KIAA0825: variants seen among roughly 807,000 people sequenced by gnomAD.
The protein encoded by KIAA0825 is uncharacterized protein KIAA0825.
Under a neutral mutation model 147.6 loss-of-function variants are expected in KIAA0825, and 119 were observed. That is an observed-to-expected ratio of 0.81 (90% CI 0.69 to 0.94). The LOEUF (loss-of-function observed/expected upper bound fraction) is 0.94. Ranked by LOEUF, KIAA0825 falls within the 40% of genes least tolerant of loss-of-function variation. The pLI is 0.00. For missense variants in KIAA0825, 1,381 were observed against 1,472.7 expected, an observed-to-expected ratio of 0.94 and a Z score of 1.02; for synonymous variants, 470 against 518.1, an observed-to-expected ratio of 0.91 and a Z score of 1.26.
chr5:94,278,113 G>A (rs1176882734), intron 20 of KIAA0825, among the ~76,000 whole-genome samples: 1 of 152,042 alleles, frequency 6.6e-6, no homozygotes, highest in Admixed American at 6.6e-5. Flanking sequence ...GACCTGTCAG[G>A]GGGTTGGGGG....
At chr5:94,216,214 G>GGT (rs1200157535) in intron 20 of KIAA0825, among the ~76,000 whole-genome samples, 1 of 152,088 alleles carries the variant, frequency 6.6e-6, no homozygotes, top group Non-Finnish European at 1.5e-5. Context: ...AGTAAGTATT[G>GGT]GTTCTCTCCA....
chr5:94,331,158 G>A (rs1781231599), intron 20 of KIAA0825, among the ~76,000 whole-genome samples: 1 of 149,850 alleles, frequency 6.7e-6, no homozygotes, highest in Non-Finnish European at 1.5e-5. Flanking sequence ...AAGAAAGAGA[G>A]AGAGAGAGAA....
chr5:94,345,702 T>A (rs1782902357), intron 20 of KIAA0825, among the ~76,000 whole-genome samples: 1 of 152,156 alleles, frequency 6.6e-6, no homozygotes, highest in Non-Finnish European at 1.5e-5. Context: ...TTTCTTCAGA[T>A]TTTTTTAATC....
At chr5:94,474,606 T>C (rs1761631895) in intron 7 of KIAA0825, among the ~76,000 whole-genome samples, 1 of 152,200 alleles carries the variant, frequency 6.6e-6, no homozygotes, top group Non-Finnish European at 1.5e-5. Flanking sequence ...ATAATTTATT[T>C]TTTCACATAT....
chr5:94,551,835 C>T (rs1201965652), intron 2 of KIAA0825, among the ~76,000 whole-genome samples: 2 of 151,486 alleles, frequency 1.3e-5, no homozygotes, highest in African/African-American at 4.9e-5. Flanking sequence ...GAAAAACCAT[C>T]AAACTGCAAA....
At chr5:94,219,412 C>G (rs1773492503) in intron 20 of KIAA0825, among the ~76,000 whole-genome samples, 1 of 152,148 alleles carries the variant, frequency 6.6e-6, no homozygotes, top group African/African-American at 2.4e-5. Context: ...AGCCCATGGA[C>G]CAGTACCATC....
intron 1 of KIAA0825, chr5:94,594,660 T>C (rs1194839120): frequency 1.6e-6 from 1 of 626,252 alleles, no homozygotes; most frequent in Non-Finnish European, 3.0e-6. Flanking sequence ...TATGAAAAAA[T>C]GACATTTGGA....
At chr5:94,243,968 T>C (rs1775480956) in intron 20 of KIAA0825, among the ~76,000 whole-genome samples, 1 of 152,164 alleles carries the variant, frequency 6.6e-6, no homozygotes, top group Non-Finnish European at 1.5e-5. Context: ...TCTTTCTGCT[T>C]CCTACCTCTC....
At chr5:94,597,468 A>G (rs1003755783) in intron 1 of KIAA0825, among the ~76,000 whole-genome samples, 2 of 152,196 alleles carry the variant, frequency 1.3e-5, no homozygotes, top group Non-Finnish European at 2.9e-5. Context: ...ATTTTACTGA[A>G]TTAAAGAAAA....
At chr5:94,224,228 C>A (rs997363422) in intron 20 of KIAA0825, among the ~76,000 whole-genome samples, 1 of 150,962 alleles carries the variant, frequency 6.6e-6, no homozygotes, top group African/African-American at 2.4e-5. Flanking sequence ...TCCTGAGTAG[C>A]TGGGATTACA....
At chr5:94,173,081 A>T (rs925808785) in intron 20 of KIAA0825, among the ~76,000 whole-genome samples, 1 of 152,162 alleles carries the variant, frequency 6.6e-6, no homozygotes, top group Non-Finnish European at 1.5e-5. Context: ...AACTATTTTA[A>T]TTTATAAAAA....
intron 20 of KIAA0825, among the ~76,000 whole-genome samples, chr5:94,196,504 A>G (rs1431933552): frequency 6.6e-6 from 1 of 150,546 alleles, no homozygotes; most frequent in Non-Finnish European, 1.5e-5. Flanking sequence ...GTACATGTGC[A>G]GGTTTGTTAA....
At chr5:94,496,377 C>T (rs935236132) in intron 5 of KIAA0825, among the ~76,000 whole-genome samples, 5 of 152,190 alleles carry the variant, frequency 3.3e-5, no homozygotes, top group Admixed American at 3.3e-4. Context: ...ACCTTATGGG[C>T]TGCAAAGCCT....
rs1250895064 is a variant in KIAA0825, at chr5:94,308,537, C to T, written c.3710+75831G>A. The stretch of plus-strand genomic sequence containing the variant: ...ATGTATTTATACAGAGAAATGTATA[C>T]ATAAATTCAAGGGACTCTATAAGAT... On this transcript the variant is annotated intron_variant, in intron 20 of 20. Transcript: ENST00000682413. Among the ~76,000 whole-genome samples, 5 of 151,768 alleles carry T rather than the reference C, an allele frequency of 3.3e-5. No homozygotes were observed. The East Asian group carries it at 9.7e-4, about 29-fold the overall frequency.
At chr5:94,403,995 G>C (rs1751722884) in intron 15 of KIAA0825, among the ~76,000 whole-genome samples, 1 of 152,062 alleles carries the variant, frequency 6.6e-6, no homozygotes, top group Admixed American at 6.6e-5. Context: ...AAAATGAATG[G>C]CAATTAAGAT....
chr5:94,534,998 A>T (rs1771671473), intron 3 of KIAA0825, among the ~76,000 whole-genome samples: 1 of 152,228 alleles, frequency 6.6e-6, no homozygotes, highest in South Asian at 2.1e-4. Flanking sequence ...ATAAATACAT[A>T]ATTACCCTAT....
chr5:94,420,550 C>T (rs2434714), intron 14 of KIAA0825, among the ~76,000 whole-genome samples: 35,389 of 152,012 alleles, frequency 0.23, 4,589 homozygotes, highest in Middle Eastern at 0.32. Flanking sequence ...TACATTTTCA[C>T]ATATATTGTC....
At chr5:94,288,510 G>C (rs988183937) in intron 20 of KIAA0825, among the ~76,000 whole-genome samples, 1 of 152,136 alleles carries the variant, frequency 6.6e-6, no homozygotes, top group African/African-American at 2.4e-5. Flanking sequence ...TCGGAGGTTG[G>C]TTTAGCTAAT....
At chr5:94,330,810 G>C (rs77937445) in intron 20 of KIAA0825, among the ~76,000 whole-genome samples, 1 of 152,034 alleles carries the variant, frequency 6.6e-6, no homozygotes, top group Non-Finnish European at 1.5e-5. Context: ...CCTCAAAAGA[G>C]AGAGAGAAGA....
Sources: allele counts gnomAD v4.1 joint callset (sites outside exome capture counted in the v4.1 genomes callset), GRCh38; gene constraint gnomAD v4.1.1; transcripts MANE v1.5; gene names NCBI Gene and HGNC (gene_info 2026-07-23, HGNC 2026-07-21).